The following RGS6 variants were observed in gnomAD, a reference collection of about 807,000 sequenced individuals.
RGS6 encodes regulator of G protein signaling 6, also known as regulator of G-protein signaling 6.
In RGS6, 30 loss-of-function variants were observed where a neutral mutation model predicts 78.5. The ratio of observed to expected loss-of-function variants is 0.38; its 90% CI spans 0.29 to 0.52. The LOEUF is 0.52. Ranked by LOEUF, RGS6 falls within the 20% of genes least tolerant of loss-of-function variation. RGS6 has a pLI of 0.85. For missense variants in RGS6, 495 were observed against 609.7 expected, an observed-to-expected ratio of 0.81 and a Z score of 1.98; for synonymous variants, 206 against 206.0, an observed-to-expected ratio of 1.00 and a Z score of 0.00.
the RGS6 span, among the ~76,000 whole-genome samples, chr14:72,575,597 C>T: frequency 5.2e-4 from 79 of 152,272 alleles, no homozygotes; most frequent in African/African-American, 1.9e-3. Flanking sequence ...TGGAAGAAAC[C>T]TTTCTCCACC....
At position 72,326,570 on chromosome 14, in the gene RGS6, C is replaced by T. The variant is rs1015485118; in HGVS notation, c.85-25525C>T. 5.3e-5 allele frequency among the ~76,000 whole-genome samples: 8 copies of T among 152,238 alleles called. No individual in the cohort carries two copies. The East Asian group carries it at 5.8e-4, about 11-fold the overall frequency. On this transcript the variant is annotated intron_variant, in intron 2 of 17. Coordinates refer to ENST00000553525, the MANE Select transcript of RGS6 (RefSeq NM_001204424.2). ...CCTACCACATGAAATACCTGCTACC[C>T]GTTTGCCTTCTGCGGTGACTGTAAG... is the stretch of plus-strand genomic sequence containing the variant.
chr14:71,919,197 G>C, the RGS6 span, among the ~76,000 whole-genome samples: 3 of 152,202 alleles, frequency 2.0e-5, no homozygotes, highest in African/African-American at 7.2e-5. Flanking sequence ...CTCAGAGGGG[G>C]AGAAGAGCAG....
chr14:72,432,662 G>A (rs369083186), intron 3 of RGS6, among the ~76,000 whole-genome samples: 3 of 152,324 alleles, frequency 2.0e-5, no homozygotes, highest in Non-Finnish European at 2.9e-5. Flanking sequence ...TCCTTCAGGC[G>A]GTAGAACAGA....
chr14:71,972,498 G>C (rs1188444183), intron 2 of RGS6, among the ~76,000 whole-genome samples: 1 of 152,126 alleles, frequency 6.6e-6, no homozygotes, highest in Admixed American at 6.6e-5. Context: ...GGAAGCGATT[G>C]AGACTCTGCG....
chr14:71,945,300 G>T (rs1341318590), intron 1 of RGS6, among the ~76,000 whole-genome samples: 1 of 152,098 alleles, frequency 6.6e-6, no homozygotes, highest in Admixed American at 6.5e-5. Context: ...TTCCATAAAA[G>T]CAGGGACTCT....
intron 2 of RGS6, among the ~76,000 whole-genome samples, chr14:72,011,023 T>A (rs1653054012): frequency 6.6e-6 from 1 of 152,218 alleles, no homozygotes; most frequent in African/African-American, 2.4e-5. Flanking sequence ...AAATATTTAA[T>A]GGAATGAAGT....
At chr14:72,284,853 G>A (rs886980400) in intron 2 of RGS6, among the ~76,000 whole-genome samples, 3 of 152,198 alleles carry the variant, frequency 2.0e-5, no homozygotes, top group Admixed American at 1.3e-4. Flanking sequence ...GGGTGGGGCT[G>A]CCCATAGGAA....
intron 4 of RGS6, among the ~76,000 whole-genome samples, chr14:72,455,850 T>G (rs1230756530): frequency 6.6e-6 from 1 of 152,244 alleles, no homozygotes; most frequent in Non-Finnish European, 1.5e-5. Context: ...TTCTTGTGAT[T>G]ATAATGCTAA....
chr14:72,084,864 ATAAAC>A (rs2094962407), intron 2 of RGS6, among the ~76,000 whole-genome samples: 1 of 152,204 alleles, frequency 6.6e-6, no homozygotes, highest in African/African-American at 2.4e-5. Context: ...TTCTCAAATA[ATAAAC>A]TAAGCTGTAT....
At chr14:72,626,632 TG>T in the RGS6 span, among the ~76,000 whole-genome samples, 2 of 152,148 alleles carry the variant, frequency 1.3e-5, no homozygotes, top group African/African-American at 4.8e-5. Context: ...TAATGAACAA[TG>T]CTACCACAAA....
chr14:72,341,913 C>A (rs568036933), intron 2 of RGS6, among the ~76,000 whole-genome samples: 5,687 of 116,748 alleles, frequency 0.049, 373 homozygotes, highest in African/African-American at 0.19. Flanking sequence ...CCTTATGTTC[C>A]CTGCCTTTTC....
intron 2 of RGS6, among the ~76,000 whole-genome samples, chr14:71,965,856 A>C (rs920143294): frequency 6.6e-6 from 1 of 152,210 alleles, no homozygotes; most frequent in Non-Finnish European, 1.5e-5. Flanking sequence ...AGAAACTGAT[A>C]AGAGGAATTA....
chr14:72,092,124 C>A (rs1362719079), intron 2 of RGS6, among the ~76,000 whole-genome samples: 1 of 152,026 alleles, frequency 6.6e-6, no homozygotes, highest in East Asian at 1.9e-4. Flanking sequence ...CTCCTGAATT[C>A]AATCAATTCT....
At chr14:72,532,798 A>G (rs2097199143) in intron 15 of RGS6, among the ~76,000 whole-genome samples, 1 of 152,268 alleles carries the variant, frequency 6.6e-6, no homozygotes, top group Admixed American at 6.5e-5. Context: ...CAATTCTATG[A>G]AGGCTGAAAG....
chr14:72,227,967 T>TA (rs1278831999), intron 2 of RGS6, among the ~76,000 whole-genome samples: 1 of 152,144 alleles, frequency 6.6e-6, no homozygotes, highest in African/African-American at 2.4e-5. Context: ...TGTATGAGGG[T>TA]ACCAGGAGAT....
chr14:72,541,622 T>C, intron 17 of RGS6: 1 of 1,535,194 alleles, frequency 6.5e-7, no homozygotes, highest in Non-Finnish European at 8.7e-7. Flanking sequence ...TGAGAGAAGG[T>C]AGTGGGATCC....
At chr14:72,143,418 A>G (rs1181263648) in intron 2 of RGS6, among the ~76,000 whole-genome samples, 1 of 151,814 alleles carries the variant, frequency 6.6e-6, no homozygotes, top group Non-Finnish European at 1.5e-5. Flanking sequence ...TATTTATTTC[A>G]CCCTACACTC....
chr14:72,246,815 A>G (rs146609816), intron 2 of RGS6, among the ~76,000 whole-genome samples: 1,617 of 152,170 alleles, frequency 0.011, 13 homozygotes, highest in Middle Eastern at 0.02. Flanking sequence ...CTGAGACAAG[A>G]GAATCGCTTG....
At chr14:72,076,512 A>G (rs558556112) in intron 2 of RGS6, among the ~76,000 whole-genome samples, 12 of 152,310 alleles carry the variant, frequency 7.9e-5, no homozygotes, top group African/African-American at 2.9e-4. Context: ...ATGTACATTT[A>G]ACATTCATAT....
Sources: allele counts gnomAD v4.1 joint callset (sites outside exome capture counted in the v4.1 genomes callset), GRCh38; gene constraint gnomAD v4.1.1; transcripts MANE v1.5; gene names NCBI Gene and HGNC (gene_info 2026-07-23, HGNC 2026-07-21).